SCFD2: variants seen among roughly 807,000 people sequenced by gnomAD.
SCFD2 encodes sec1 family domain-containing protein 2.
A neutral mutation model predicts 58.9 loss-of-function variants in SCFD2; 54 were observed. That is an observed-to-expected ratio of 0.92 (90% CI 0.74 to 1.15). The LOEUF is 1.15. SCFD2 is among the 50% of genes most tolerant of loss of function. The pLI is 0.00. For synonymous variants in SCFD2, 321 were observed against 335.9 expected (o/e 0.96, Z 0.49); for missense variants, 805 against 836.6 (o/e 0.96, Z 0.47).
At chr4:53,060,530 A>G (rs1723480303) in intron 5 of SCFD2, among the ~76,000 whole-genome samples, 1 of 152,192 alleles carries the variant, frequency 6.6e-6, no homozygotes, top group Admixed American at 6.6e-5. Flanking sequence ...TCATTAGAAT[A>G]CTAATACATT....
intron 1 of SCFD2, among the ~76,000 whole-genome samples, chr4:53,363,976 T>A (rs1463850192): frequency 6.6e-6 from 1 of 152,202 alleles, no homozygotes; most frequent in South Asian, 2.1e-4. Context: ...GAAACAACTT[T>A]GCTACATTTT....
At chr4:53,336,959 C>A (rs1307161481) in intron 2 of SCFD2, among the ~76,000 whole-genome samples, 2 of 152,116 alleles carry the variant, frequency 1.3e-5, no homozygotes, top group Admixed American at 1.3e-4. Flanking sequence ...GTATCATTAG[C>A]CATGAGGGAA....
intron 5 of SCFD2, among the ~76,000 whole-genome samples, chr4:52,947,967 C>CAA (rs1720481027): frequency 1.3e-5 from 1 of 74,870 alleles, no homozygotes; most frequent in Non-Finnish European, 2.6e-5. Flanking sequence ...GAAAAATAGG[C>CAA]CAAAAAAAAA....
At position 53,112,252 on chromosome 4, in the gene SCFD2, G is replaced by A. The variant is rs115102383; in HGVS notation, c.1561+33081C>T. 4.3e-3 allele frequency among the ~76,000 whole-genome samples: 657 copies of A among 152,260 alleles called. 4 individuals carry two copies. The highest frequency in any genetic ancestry group is 0.015 in the African/African-American group (626 of 41,570). On this transcript the variant is annotated intron_variant, in intron 5 of 8. Coordinates refer to ENST00000401642, the MANE Select transcript of SCFD2 (RefSeq NM_152540.4). ...AAGGGAAAAGAGAATGAAAGGTGGA[G>A]TTTTTTGAGGAAGGAATCAGGATAA...
At chr4:53,000,777 C>T (rs1468441356) in intron 5 of SCFD2, among the ~76,000 whole-genome samples, 1 of 152,212 alleles carries the variant, frequency 6.6e-6, no homozygotes. Flanking sequence ...ACCTGTTACA[C>T]TAACATAGCA....
In SCFD2 at chr4:53,007,293, A is replaced by AGAGAGG. The variant is rs1560507966; in HGVS notation, c.1562-86429_1562-86424dup. 4.3e-5 allele frequency among the ~76,000 whole-genome samples: 5 copies of AGAGAGG among 115,278 alleles called. No individual in the cohort carries two copies. The East Asian group carries it at 7.4e-4, about 17-fold the overall frequency. The allele number at this position is 115,278 out of a possible 152,430, so 75.6% of individuals were successfully genotyped here. On this transcript the variant is annotated intron_variant, in intron 5 of 8. Transcript: ENST00000401642. ...GACCTTGTTGAGAGGAGAGAGAGGG[A>AGAGAGG]GAGAGGGAGAGGGAGAGAGAGAGAG...
intron 4 of SCFD2, among the ~76,000 whole-genome samples, chr4:53,150,600 A>G (rs1726476074): frequency 6.6e-6 from 1 of 152,238 alleles, no homozygotes; most frequent in Admixed American, 6.5e-5. Flanking sequence ...GATTAATAAT[A>G]AGGATGTGGG....
At chr4:53,206,676 T>C (rs909781712) in intron 4 of SCFD2, among the ~76,000 whole-genome samples, 1 of 152,176 alleles carries the variant, frequency 6.6e-6, no homozygotes, top group Non-Finnish European at 1.5e-5. Flanking sequence ...AATGAGTTTG[T>C]AATATTCTGA....
intron 4 of SCFD2, among the ~76,000 whole-genome samples, chr4:53,247,953 C>T (rs907682632): frequency 1.3e-5 from 2 of 151,372 alleles, no homozygotes; most frequent in African/African-American, 4.9e-5. Context: ...CTCCGGTCTA[C>T]AGCTGCCAGC....
rs1257214624 is a variant in SCFD2 at position 52,873,308 on chromosome 4, C to T, written c.*661G>A. 2.0e-5 allele frequency: 3 copies of T among 152,306 alleles called. No individual in the cohort carries two copies. Among genetic ancestry groups the T allele is most frequent in the Middle Eastern group, 6.8e-3 (2 of 294 alleles). The allele number at this position is 152,306 out of a possible 1,614,324, so 9.4% of individuals were successfully genotyped here. A position where few individuals can be genotyped will look rare whatever the true frequency, so the allele number is the denominator to read the frequency against. On this transcript the variant is annotated 3_prime_UTR_variant, in exon 9 of 9. Transcript: ENST00000401642. ...TATATACAGATAACCCTCCAATCAA[C>T]CACCTTCCCACTACAGTTCCAAGTA...
chr4:53,112,439 G>A (rs185419180), intron 5 of SCFD2, among the ~76,000 whole-genome samples: 1 of 152,194 alleles, frequency 6.6e-6, no homozygotes, highest in East Asian at 1.9e-4. Context: ...TAGCTGGTAT[G>A]GCTCTACGGT....
chr4:53,352,103 A>C (rs1431463569), intron 2 of SCFD2, among the ~76,000 whole-genome samples: 1 of 152,230 alleles, frequency 6.6e-6, no homozygotes, highest in Non-Finnish European at 1.5e-5. Context: ...ATAACAACGT[A>C]CATAATCTTC....
At chr4:53,217,499 A>G (rs545058084) in intron 4 of SCFD2, among the ~76,000 whole-genome samples, 10 of 152,174 alleles carry the variant, frequency 6.6e-5, no homozygotes, top group African/African-American at 2.2e-4. Context: ...TGCTTGGTAG[A>G]TCTTCCTCCA....
intron 4 of SCFD2, among the ~76,000 whole-genome samples, chr4:53,216,835 T>C (rs187581482): frequency 4.2e-4 from 64 of 152,318 alleles, no homozygotes; most frequent in Admixed American, 3.5e-3. Flanking sequence ...CCAGAGATTC[T>C]GGTATGTTGT....
At chr4:52,909,518 C>T (rs987056849) in intron 6 of SCFD2, among the ~76,000 whole-genome samples, 5 of 152,048 alleles carry the variant, frequency 3.3e-5, no homozygotes, top group Admixed American at 2.0e-4. Context: ...AAATAAGCTC[C>T]GGTGTGAAAC....
At chr4:53,222,555 T>C (rs1266824950) in intron 4 of SCFD2, among the ~76,000 whole-genome samples, 1 of 152,202 alleles carries the variant, frequency 6.6e-6, no homozygotes, top group Non-Finnish European at 1.5e-5. Context: ...TTAATGACAG[T>C]TCTAGGGAAA....
chr4:53,138,125 G>A (rs1261507555), intron 5 of SCFD2, among the ~76,000 whole-genome samples: 4 of 152,056 alleles, frequency 2.6e-5, no homozygotes, highest in Non-Finnish European at 5.9e-5. Flanking sequence ...ATGGTGGTGG[G>A]AGAAAAATAG....
At chr4:53,022,190 T>C (rs927245619) in intron 5 of SCFD2, among the ~76,000 whole-genome samples, 5 of 152,166 alleles carry the variant, frequency 3.3e-5, no homozygotes, top group African/African-American at 1.2e-4. Flanking sequence ...ATGTTAACTA[T>C]TGAGAGATGC....
At position 53,201,020 on chromosome 4, in the gene SCFD2, T is replaced by A. The variant is rs181192582; in HGVS notation, c.1312-55438A>T. Among the ~76,000 whole-genome samples the A allele has an allele frequency of 2.2e-3, 333 of 151,892 alleles. 1 individual carries two copies. Among genetic ancestry groups the A allele is most frequent in the African/African-American group, 6.9e-3 (288 of 41,532 alleles). On this transcript the variant is annotated intron_variant, in intron 4 of 8. Transcript: ENST00000401642. ...TTTATTTTAATTTAATTTAATTTTTTAAAAAATTTTATTATTATTATACTT... is the reference window on the plus strand; with the variant it reads ...TTTATTTTAATTTAATTTAATTTTTAAAAAAATTTTATTATTATTATACTT...
Sources: allele counts gnomAD v4.1 joint callset (sites outside exome capture counted in the v4.1 genomes callset), GRCh38; gene constraint gnomAD v4.1.1; transcripts MANE v1.5; gene names NCBI Gene and HGNC (gene_info 2026-07-23, HGNC 2026-07-21).